Variants in KCNQ1 observed in about 807,000 individuals in gnomAD.
The protein encoded by KCNQ1 is potassium voltage-gated channel subfamily Q member 1.
KCNQ1 carries 49 observed loss-of-function variants against 72.4 expected under a neutral mutation model. The observed-to-expected ratio is 0.68, with a 90% CI of 0.54 to 0.86. The LOEUF is 0.86. Among genes scored for constraint, KCNQ1 ranks in the 40% least tolerant of loss-of-function variants. The pLI is 0.00. For synonymous variants in KCNQ1, 450 were observed against 412.6 expected (o/e 1.09, Z -1.10); for missense variants, 790 against 945.1 (o/e 0.84, Z 2.15).
At position 2,595,138 on chromosome 11, in the gene KCNQ1, G is replaced by T. The variant is rs567206444; in HGVS notation, c.1393+6284G>T. Among the ~76,000 whole-genome samples the T allele has an allele frequency of 6.6e-6, 1 of 152,146 alleles. No homozygotes were observed. The highest frequency in any genetic ancestry group is 1.5e-5 in the Non-Finnish European group (1 of 68,030). On this transcript the variant is annotated intron_variant, in intron 10 of 15. Transcript: ENST00000155840. This position sits in a 1 kb window ranked among gnomAD's most constrained non-coding sequence, Gnocchi z 5.0. The stretch of plus-strand genomic sequence containing the variant: ...ACAGAAACCCCAATCTCCTGTGAGA[G>T]CAAGTCTAAGTAACATATATTGAGA...
intron 10 of KCNQ1, chr11:2,632,205 A>AT: frequency 2.6e-6 from 1 of 388,544 alleles, no homozygotes. Context: ...AAAAAAAAAG[A>AT]AATGCAACTG....
chr11:2,586,359 C>T (rs1283276365), intron 8 of KCNQ1, among the ~76,000 whole-genome samples: 1 of 152,232 alleles, frequency 6.6e-6, no homozygotes, highest in Non-Finnish European at 1.5e-5. Context: ...CCACCCTTAG[C>T]CTGGTTTTAT....
chr11:2,688,773 A>G, intron 11 of KCNQ1: 1 of 398,592 alleles, frequency 2.5e-6, no homozygotes. Flanking sequence ...CACCTATACC[A>G]CACCTATATA....
chr11:2,783,885 C>G lies in KCNQ1; in HGVS notation c.1794+5848C>G, dbSNP rs375795340. Among the ~76,000 whole-genome samples, 8 of 152,122 alleles carry G rather than the reference C, an allele frequency of 5.3e-5. No individual in the cohort carries two copies. In the South Asian group the frequency reaches 1.0e-3, roughly 20 times the overall value. On this transcript the variant is annotated intron_variant, in intron 15 of 15. Transcript: ENST00000155840. This position sits in a 1 kb window ranked among gnomAD's most constrained non-coding sequence, Gnocchi z 5.2. ...GAGTTGCAAGGGTTTTTTATATGTT[C>G]TGGATACAAGTCCTTTATCAGATCT...
rs892106283 is a variant in KCNQ1 at position 2,724,398 on chromosome 11, C to T, written c.1515-44446C>T. ...GTGGAATGGAGCTGGCAGCCAGGGT[C>T]CCTGTCCCGCCAGCCCTAGGCCTCG... is the stretch of plus-strand genomic sequence containing the variant. On this transcript the variant is annotated intron_variant, in intron 11 of 15. Coordinates refer to ENST00000155840, the MANE Select transcript of KCNQ1 (RefSeq NM_000218.3). This position sits in a 1 kb window ranked among gnomAD's most constrained non-coding sequence, Gnocchi z 6.8. 6.6e-6 allele frequency among the ~76,000 whole-genome samples: 1 copy of T among 152,180 alleles called. No individual in the cohort carries two copies. Among genetic ancestry groups the T allele is most frequent in the East Asian group, 1.9e-4 (1 of 5,178 alleles).
chr11:2,496,264 A>T (rs1319211473), intron 1 of KCNQ1, among the ~76,000 whole-genome samples: 1 of 151,760 alleles, frequency 6.6e-6, no homozygotes, highest in Non-Finnish European at 1.5e-5. Context: ...ATGAAACCCC[A>T]TCTCTACTAA....
chr11:2,667,670 C>T, intron 11 of KCNQ1: 1 of 398,688 alleles, frequency 2.5e-6, no homozygotes, highest in Non-Finnish European at 4.4e-6. Flanking sequence ...TGCAGAGCCT[C>T]TGGAGGCTGA....
intron 1 of KCNQ1, among the ~76,000 whole-genome samples, chr11:2,467,713 C>T (rs376470537): frequency 5.9e-5 from 9 of 152,202 alleles, no homozygotes; most frequent in Non-Finnish European, 1.3e-4. Flanking sequence ...CCTGGGCACA[C>T]GGGCCCAGTG....
intron 1 of KCNQ1, among the ~76,000 whole-genome samples, chr11:2,465,696 T>C (rs1846342231): frequency 6.6e-6 from 1 of 152,168 alleles, no homozygotes; most frequent in South Asian, 2.1e-4. Context: ...CCCACCAGCA[T>C]GCTTCCCAGA....
rs920744593 is a variant in KCNQ1, at chr11:2,803,580, C to T, written c.1794+25543C>T. ...GGTGATGGGGCTTCAGTGGAGCCCGCCAGGACTGGGGACACAAGCCTAGGC... is the reference window on the plus strand; with the variant it reads ...GGTGATGGGGCTTCAGTGGAGCCCGTCAGGACTGGGGACACAAGCCTAGGC... On this transcript the variant is annotated intron_variant, in intron 15 of 15. Transcript: ENST00000155840. This position sits in a 1 kb window ranked among gnomAD's most constrained non-coding sequence, Gnocchi z 6.4. Among the ~76,000 whole-genome samples, 1 of 152,132 alleles carries T rather than the reference C, an allele frequency of 6.6e-6. No homozygotes were observed. Among genetic ancestry groups the T allele is most frequent in the African/African-American group, 2.4e-5 (1 of 41,432 alleles).
chr11:2,800,597 G>C (rs1429470629), intron 15 of KCNQ1, among the ~76,000 whole-genome samples: 1 of 152,254 alleles, frequency 6.6e-6, no homozygotes, highest in Non-Finnish European at 1.5e-5. Context: ...AGAACCGGGG[G>C]CCAGAGCAGC....
At chr11:2,574,233 A>T (rs1564821620) in intron 6 of KCNQ1, among the ~76,000 whole-genome samples, 2 of 152,108 alleles carry the variant, frequency 1.3e-5, no homozygotes, top group Admixed American at 1.3e-4. Flanking sequence ...CACCTTGGGG[A>T]GTGGCCCTGG....
Position 2,608,594 on chromosome 11 carries a change from G to C in KCNQ1, c.1393+19740G>C. The C allele has an allele frequency of 2.5e-6, 1 of 398,482 alleles. No individual in the cohort carries two copies. 24.7% of individuals were successfully genotyped at this position (398,482 alleles called of 1,614,324 possible). Reference sequence around the variant, plus strand: ...AGTCTCAAGTGATCCTTGCCCCTTAGCCTATGACAGGTGTGCACCACAACA... The same window carrying C: ...AGTCTCAAGTGATCCTTGCCCCTTACCCTATGACAGGTGTGCACCACAACA... On this transcript the variant is annotated intron_variant, in intron 10 of 15. Transcript: ENST00000155840. This position sits in a 1 kb window ranked among gnomAD's most constrained non-coding sequence, Gnocchi z 4.6.
intron 1 of KCNQ1, among the ~76,000 whole-genome samples, chr11:2,525,644 G>A (rs992325180): frequency 2.0e-5 from 3 of 152,252 alleles, no homozygotes; most frequent in Non-Finnish European, 4.4e-5. Flanking sequence ...GGGAGTCAGG[G>A]GGACTGAGGC....
At chr11:2,839,389 T>C (rs1564912412) in intron 15 of KCNQ1, among the ~76,000 whole-genome samples, 1 of 152,232 alleles carries the variant, frequency 6.6e-6, no homozygotes, top group African/African-American at 2.4e-5. Context: ...GAGCAGCCTC[T>C]GCAGGTCTGT....
Position 2,759,568 on chromosome 11 carries a change from G to T in KCNQ1, c.1515-9276G>T, listed in dbSNP as rs144622496. ...TGCGCGGGAGGGAGTTGCAAAGAGC[G>T]ACACCCCAGCATGTGGGAAGGAAGG... is the stretch of plus-strand genomic sequence containing the variant. On this transcript the variant is annotated intron_variant, in intron 11 of 15. Coordinates refer to ENST00000155840, the MANE Select transcript of KCNQ1 (RefSeq NM_000218.3). The surrounding 1 kb of genome is among the most constrained non-coding windows in gnomAD (Gnocchi z 4.4). Among the ~76,000 whole-genome samples, 2 of 152,202 alleles carry T rather than the reference G, an allele frequency of 1.3e-5. No individual in the cohort carries two copies. Among genetic ancestry groups the T allele is most frequent in the Non-Finnish European group, 2.9e-5 (2 of 68,036 alleles).
intron 2 of KCNQ1, among the ~76,000 whole-genome samples, chr11:2,530,658 C>T (rs1055905020): frequency 4.6e-5 from 7 of 152,312 alleles, no homozygotes; most frequent in South Asian, 2.1e-4. Flanking sequence ...CACATGAGCA[C>T]GTGGGGACTT....
At chr11:2,618,283 C>T (rs866957602) in intron 10 of KCNQ1, 9 of 398,390 alleles carry the variant, frequency 2.3e-5, no homozygotes, top group Admixed American at 4.4e-5. Flanking sequence ...ATAAAATACA[C>T]TAACAATAAC....
At chr11:2,763,748 G>C (rs1416348699) in intron 11 of KCNQ1, among the ~76,000 whole-genome samples, 1 of 151,972 alleles carries the variant, frequency 6.6e-6, no homozygotes, top group African/African-American at 2.4e-5. Context: ...TTTTTCTACA[G>C]ATGGGGTCTC....
Sources: gnomAD v4.1 joint callset for allele counts (sites outside exome capture counted in the v4.1 genomes callset) on GRCh38, gnomAD v4.1.1 for gene constraint, Gnocchi (gnomAD v3.1) non-coding constraint, MANE v1.5 for transcripts, NCBI Gene and HGNC (gene_info 2026-07-23, HGNC 2026-07-21) for gene names.